CCDC6: variants seen among roughly 807,000 people sequenced by gnomAD.
CCDC6 encodes the protein coiled-coil domain-containing protein 6.
In CCDC6, 20 loss-of-function variants were observed where a neutral mutation model predicts 56.6. The observed-to-expected ratio is 0.35, with a 90% CI of 0.25 to 0.51. CCDC6 has a LOEUF of 0.51. Among genes scored for constraint, CCDC6 ranks in the 20% least tolerant of loss-of-function variants. The pLI, the probability that CCDC6 is intolerant of heterozygous loss-of-function variation, is 0.95. For synonymous variants in CCDC6, 241 were observed against 234.4 expected (o/e 1.03, Z -0.26); for missense variants, 367 against 601.1 (o/e 0.61, Z 4.07).
At chr10:59,842,954 C>T (rs769858983) in intron 2 of CCDC6, among the ~76,000 whole-genome samples, 4 of 151,994 alleles carry the variant, frequency 2.6e-5, no homozygotes, top group Non-Finnish European at 4.4e-5. Context: ...GGGGTTTCAC[C>T]GTGTTAGCCA....
At chr10:59,808,953 C>T (rs1403316784) in intron 5 of CCDC6, among the ~76,000 whole-genome samples, 3 of 152,146 alleles carry the variant, frequency 2.0e-5, no homozygotes, top group African/African-American at 7.2e-5. Flanking sequence ...ACACTAAATC[C>T]CTTGGCTGTT....
rs892439859 is a variant in CCDC6 at position 59,860,270 on chromosome 10, A to C, written c.304-7568T>G. ...ACACAGATCCAATGCCCCCGAGGAA[A>C]GGCTGGAAACTCTTCTGCCCATATA... On this transcript the variant is annotated intron_variant, in intron 1 of 8. Transcript: ENST00000263102. Among the ~76,000 whole-genome samples the C allele has an allele frequency of 3.9e-5, 6 of 152,250 alleles. No homozygotes were observed. The East Asian group carries it at 1.2e-3, about 29-fold the overall frequency.
rs72817920 is a variant in CCDC6, at chr10:59,818,709, C to T, written c.583-3954G>A. 6.1e-3 allele frequency among the ~76,000 whole-genome samples: 923 copies of T among 152,190 alleles called. 4 individuals carry two copies. The highest frequency in any genetic ancestry group is 0.01 in the Middle Eastern group (3 of 294). On this transcript the variant is annotated intron_variant, in intron 3 of 8. Transcript: ENST00000263102. ...GTTGGTGCCCCATCCAGGATTGGGT[C>T]CTGCTTTGTGCCCTGAGCTGCCAGG...
At chr10:59,808,792 G>A (rs2070648856) in intron 5 of CCDC6, among the ~76,000 whole-genome samples, 1 of 152,138 alleles carries the variant, frequency 6.6e-6, no homozygotes, top group Non-Finnish European at 1.5e-5. Context: ...ACTCTACAAA[G>A]GTCTGGCATT....
At chr10:59,887,188 A>G (rs1441739979) in intron 1 of CCDC6, among the ~76,000 whole-genome samples, 1 of 151,992 alleles carries the variant, frequency 6.6e-6, no homozygotes, top group East Asian at 1.9e-4. Context: ...TGGCTCTCCT[A>G]CTCTCTGCGG....
chr10:59,807,131 T>A lies in CCDC6; in HGVS notation c.848-53A>T. The stretch of plus-strand genomic sequence containing the variant: ...CATGTTTCATGCAATCATATCCAAA[T>A]CTAAAAAAAAGGAGACTTCAGTTCA... On this transcript the variant is annotated intron_variant, in intron 5 of 8. Coordinates refer to ENST00000263102, the MANE Select transcript of CCDC6 (RefSeq NM_005436.5). 5.2e-6 allele frequency: 8 copies of A among 1,547,308 alleles called. No individual in the cohort carries two copies. The Admixed American group carries it at 5.4e-5, about 10-fold the overall frequency.
At position 59,906,121 on chromosome 10, in the gene CCDC6, C is replaced by T; in HGVS notation, c.303+1G>A. On this transcript the variant is annotated splice_donor_variant, in intron 1 of 8. Coordinates refer to ENST00000263102, the MANE Select transcript of CCDC6 (RefSeq NM_005436.5). LOFTEE classifies it high-confidence loss of function. ...GCGGCGCGTCCCCGGGGGGCACTCACGATGGTCACGCTGGCTTTGCGCAGG... is the reference window on the plus strand; with the variant it reads ...GCGGCGCGTCCCCGGGGGGCACTCATGATGGTCACGCTGGCTTTGCGCAGG... 6.3e-7 allele frequency: 1 copy of T among 1,587,368 alleles called. No homozygotes were observed. The highest frequency in any genetic ancestry group is 2.3e-5 in the East Asian group (1 of 43,328).
At chr10:59,870,955 CCATA>C (rs1255006546) in intron 1 of CCDC6, among the ~76,000 whole-genome samples, 1 of 152,082 alleles carries the variant, frequency 6.6e-6, no homozygotes, top group Non-Finnish European at 1.5e-5. Context: ...TTAGCCTCTG[CCATA>C]CACAATTCCT....
chr10:59,875,544 C>G (rs1219186914), intron 1 of CCDC6, among the ~76,000 whole-genome samples: 1 of 152,162 alleles, frequency 6.6e-6, no homozygotes, highest in African/African-American at 2.4e-5. Flanking sequence ...CAGTTGGCAC[C>G]TCAAGCACTA....
rs1232755098 is a variant in CCDC6 at position 59,829,915 on chromosome 10, T to C, written c.582+2610A>G. Reference sequence around the variant, plus strand: ...GTAGGATATGTAAATTACATCTCACTAGGGCTGTTAAAAAGAAAGTGAACT... The same window carrying C: ...GTAGGATATGTAAATTACATCTCACCAGGGCTGTTAAAAAGAAAGTGAACT... On this transcript the variant is annotated intron_variant, in intron 3 of 8. Coordinates refer to ENST00000263102, the MANE Select transcript of CCDC6 (RefSeq NM_005436.5). 3.3e-5 allele frequency among the ~76,000 whole-genome samples: 5 copies of C among 152,328 alleles called. 1 individual carries two copies. In the South Asian group the frequency reaches 8.3e-4, roughly 25 times the overall value.
intron 2 of CCDC6, among the ~76,000 whole-genome samples, chr10:59,845,573 T>C (rs2070984811): frequency 6.6e-6 from 1 of 152,202 alleles, no homozygotes; most frequent in Non-Finnish European, 1.5e-5. Context: ...CTGGTGGCTG[T>C]AGCATAAAAT....
At position 59,814,885 on chromosome 10, in the gene CCDC6, A is replaced by G. The variant is rs574373257; in HGVS notation, c.583-130T>C. ...AACATGTGGCCAATTTTCTGGCACA[A>G]ACATATTAAGTGCATCTAGTTCTTA... On this transcript the variant is annotated intron_variant, in intron 3 of 8. Coordinates refer to ENST00000263102, the MANE Select transcript of CCDC6 (RefSeq NM_005436.5). The G allele has an allele frequency of 1.1e-4, 67 of 635,156 alleles. 1 individual carries two copies. The highest frequency in any genetic ancestry group is 7.8e-4 in the Admixed American group (30 of 38,560). The allele number at this position is 635,156 out of a possible 1,614,324, so 39.3% of individuals were successfully genotyped here.
chr10:59,811,753 C>G (rs1227497161), intron 5 of CCDC6, among the ~76,000 whole-genome samples: 9 of 152,160 alleles, frequency 5.9e-5, no homozygotes, highest in Non-Finnish European at 1.2e-4. Flanking sequence ...GGTTTGACAT[C>G]CCATGAATAC....
intron 1 of CCDC6, among the ~76,000 whole-genome samples, chr10:59,885,180 T>G (rs2071373175): frequency 6.6e-6 from 1 of 152,164 alleles, no homozygotes; most frequent in African/African-American, 2.4e-5. Context: ...GAGCGAAATC[T>G]AGTTTGGATA....
At chr10:59,862,516 TACACACACACAC>T (rs60162547) in intron 1 of CCDC6, among the ~76,000 whole-genome samples, 9,134 of 97,200 alleles carry the variant, frequency 0.094, 1,152 homozygotes, top group African/African-American at 0.26. Context: ...TATATATATA[TACACACACACAC>T]ACACACACAC....
Position 59,792,752 on chromosome 10 carries a change from T to C in CCDC6, c.*165A>G, listed in dbSNP as rs773769980. The stretch of plus-strand genomic sequence containing the variant: ...GGTTAGTGTTGTAGACCCACAACAC[T>C]GGCTGCATTTCTGACAAACATTTAC... On this transcript the variant is annotated 3_prime_UTR_variant, in exon 9 of 9. Coordinates refer to ENST00000263102, the MANE Select transcript of CCDC6 (RefSeq NM_005436.5). 1 of 823,438 alleles carries C rather than the reference T, an allele frequency of 1.2e-6. No individual in the cohort carries two copies. Among genetic ancestry groups the C allele is most frequent in the Non-Finnish European group, 2.1e-6 (1 of 470,120 alleles). 51.0% of individuals were successfully genotyped at this position (823,438 alleles called of 1,614,324 possible).
At chr10:59,863,367 TTGG>T (rs1206252198) in intron 1 of CCDC6, among the ~76,000 whole-genome samples, 2 of 152,256 alleles carry the variant, frequency 1.3e-5, no homozygotes, top group African/African-American at 4.8e-5. Flanking sequence ...TAAATATAAC[TTGG>T]TGGATAAATC....
At chr10:59,799,308 T>C (rs1335653515) in intron 7 of CCDC6, among the ~76,000 whole-genome samples, 1 of 151,922 alleles carries the variant, frequency 6.6e-6, no homozygotes, top group Non-Finnish European at 1.5e-5. Context: ...GGCGGGTGCC[T>C]GTAATCCCAG....
At chr10:59,865,779 G>T (rs946714658) in intron 1 of CCDC6, among the ~76,000 whole-genome samples, 1 of 146,732 alleles carries the variant, frequency 6.8e-6, no homozygotes, top group Non-Finnish European at 1.5e-5. Flanking sequence ...TTGAACCCAG[G>T]AGATAGAGGT....
Sources: allele counts gnomAD v4.1 joint callset (sites outside exome capture counted in the v4.1 genomes callset), GRCh38; gene constraint gnomAD v4.1.1; transcripts MANE v1.5; gene names NCBI Gene and HGNC (gene_info 2026-07-23, HGNC 2026-07-21).